Variants in PPP2R2D observed in about 807,000 individuals in gnomAD.
PPP2R2D encodes the protein protein phosphatase 2 regulatory subunit Bdelta, also known as serine/threonine-protein phosphatase 2A 55 kDa regulatory subunit B delta isoform.
A neutral mutation model predicts 31.1 loss-of-function variants in PPP2R2D; 9 were observed. That is an observed-to-expected ratio of 0.29 (90% CI 0.17 to 0.51). The LOEUF is 0.51. PPP2R2D is among the 20% of genes least tolerant of loss of function. The pLI is 0.98. For missense variants in PPP2R2D, 391 were observed against 465.6 expected (o/e 0.84, Z 1.48); for synonymous variants, 179 against 172.6 (o/e 1.04, Z -0.29).
intron 2 of PPP2R2D, among the ~76,000 whole-genome samples, chr10:131,906,758 CAAAA>C (rs879099384): frequency 3.9e-5 from 4 of 101,756 alleles, no homozygotes; most frequent in African/African-American, 7.2e-5. Context: ...TTGTCTCTAC[CAAAA>C]AAAAAAAAAA....
At chr10:131,928,227 A>G (rs1392980522) in intron 2 of PPP2R2D, among the ~76,000 whole-genome samples, 3 of 152,132 alleles carry the variant, frequency 2.0e-5, no homozygotes, top group African/African-American at 7.2e-5. Flanking sequence ...GTAGGGCGCT[A>G]GTTTTCCTTA....
chr10:131,953,752 C>T (rs1220722826), intron 8 of PPP2R2D, among the ~76,000 whole-genome samples: 7 of 96,384 alleles, frequency 7.3e-5, no homozygotes, highest in African/African-American at 1.7e-4. Flanking sequence ...CGGGGGTTCA[C>T]TGTCTTAGTG....
At chr10:131,953,420 C>T (rs2036727364) in intron 8 of PPP2R2D, among the ~76,000 whole-genome samples, 1 of 61,060 alleles carries the variant, frequency 1.6e-5, no homozygotes, top group Non-Finnish European at 3.0e-5. Flanking sequence ...CAGTGACTTG[C>T]GGGGGGTCCC....
In PPP2R2D at chr10:131,906,528, G is replaced by T. The variant is rs897825297; in HGVS notation, c.100+5198G>T. ...CTGGTAGGATAGCCTTTCCAAGGGA[G>T]TTTACATTGGTACTTTGAAAGAAAC... On this transcript the variant is annotated intron_variant, in intron 2 of 8. Transcript: ENST00000455566. 2.2e-3 allele frequency among the ~76,000 whole-genome samples: 334 copies of T among 152,284 alleles called. 2 individuals are homozygous for T. The highest frequency in any genetic ancestry group is 7.7e-3 in the African/African-American group (318 of 41,560).
At chr10:131,948,343 GT>G (rs35022851) in intron 8 of PPP2R2D, among the ~76,000 whole-genome samples, 105,131 of 152,002 alleles carry the variant, frequency 0.69, 37,031 homozygotes, top group African/African-American at 0.84. Flanking sequence ...TGAGAGTTAC[GT>G]TTTTTTTATT....
At chr10:131,917,976 A>G (rs1554893500) in intron 2 of PPP2R2D, among the ~76,000 whole-genome samples, 1 of 124,090 alleles carries the variant, frequency 8.1e-6, no homozygotes. Context: ...CACGGGTGGA[A>G]TGACACAGTG....
At chr10:131,960,812 G>T (rs10781571), downstream of PPP2R2D, among the ~76,000 whole-genome samples, 1 of 152,064 alleles carries the variant, frequency 6.6e-6, no homozygotes, top group African/African-American at 2.4e-5. Flanking sequence ...GCCAGGGAGT[G>T]GGGGAGTGAG....
In PPP2R2D at chr10:131,904,853, G is replaced by A. The variant is rs1034821926; in HGVS notation, c.100+3523G>A. ...TGACTTTGGAGGTCATGAAGTGAGT[G>A]ACATAGAAAAGCCTTTGGTTTTTGT... On this transcript the variant is annotated intron_variant, in intron 2 of 8. Transcript: ENST00000455566. 7.4e-3 allele frequency among the ~76,000 whole-genome samples: 1,129 copies of A among 152,286 alleles called. 8 individuals carry two copies. Among genetic ancestry groups the A allele is most frequent in the Middle Eastern group, 0.017 (5 of 294 alleles).
In PPP2R2D at chr10:131,901,112, T is replaced by G; in HGVS notation, c.-37T>G. ...AGCGGCGCGGAGGCCGTCTCCCTGG[T>G]CTGCCGCGGTCCCCGCCCGTCCCGC... On this transcript the variant is annotated 5_prime_UTR_variant, in exon 1 of 9. Transcript: ENST00000455566. 4.4e-6 allele frequency: 1 copy of G among 228,260 alleles called. No homozygotes were observed. The highest frequency in any genetic ancestry group is 8.3e-6 in the Non-Finnish European group (1 of 120,106). The allele number at this position is 228,260 out of a possible 1,614,324, so 14.1% of individuals were successfully genotyped here.
intron 8 of PPP2R2D, among the ~76,000 whole-genome samples, chr10:131,951,436 A>G (rs782513177): frequency 7.2e-5 from 11 of 152,264 alleles, no homozygotes; most frequent in Non-Finnish European, 1.2e-4. Flanking sequence ...TGGATCTCAC[A>G]AAGATAATCC....
chr10:131,957,394 GC>G lies in PPP2R2D; in HGVS notation c.*1435del, dbSNP rs2036820637. On this transcript the variant is annotated 3_prime_UTR_variant, in exon 9 of 9. Coordinates refer to ENST00000455566, the MANE Select transcript of PPP2R2D (RefSeq NM_018461.5). ...ATGGAGGTGTGTGCTGCTCCCTCGT[GC>G]CCCTGTGGAGATGGAGGTGTGTGCT... The G allele has an allele frequency of 1.1e-5, 2 of 189,128 alleles. No individual in the cohort carries two copies. Among genetic ancestry groups the G allele is most frequent in the Non-Finnish European group, 2.2e-5 (2 of 92,414 alleles). The allele number at this position is 189,128 out of a possible 1,614,324, so 11.7% of individuals were successfully genotyped here. A position where few individuals can be genotyped will look rare whatever the true frequency, so the allele number is the denominator to read the frequency against.
chr10:131,961,936 C>T (rs781820771), downstream of PPP2R2D, among the ~76,000 whole-genome samples: 1 of 152,156 alleles, frequency 6.6e-6, no homozygotes, highest in Non-Finnish European at 1.5e-5. Context: ...CACGCATTTC[C>T]TGAATAAACA....
chr10:131,926,085 G>A (rs778127979), intron 2 of PPP2R2D, among the ~76,000 whole-genome samples: 5 of 152,146 alleles, frequency 3.3e-5, no homozygotes, highest in Non-Finnish European at 7.4e-5. Context: ...GATTCCCTTG[G>A]GACCTTTCCC....
intron 2 of PPP2R2D, among the ~76,000 whole-genome samples, chr10:131,914,451 G>A (rs1390820471): frequency 6.6e-6 from 1 of 152,024 alleles, no homozygotes; most frequent in East Asian, 1.9e-4. Flanking sequence ...TTTTTTGGAG[G>A]GTAATTTGAC....
chr10:131,939,885 C>A, intron 3 of PPP2R2D, 146 bp from the exon 4 acceptor site: 16 of 356,978 alleles, frequency 4.5e-5, no homozygotes, highest in Middle Eastern at 7.5e-4. Context: ...TTTTTTTTTT[C>A]CCTGAGTTTC....
At position 131,956,297 on chromosome 10, in the gene PPP2R2D, G is replaced by C; in HGVS notation, c.*334G>C. ...CAAAAAATTAACATCCAAGAGAAAAGTTATTGTCAGATACCGCTCTTTCTC... is the reference window on the plus strand; with the variant it reads ...CAAAAAATTAACATCCAAGAGAAAACTTATTGTCAGATACCGCTCTTTCTC... On this transcript the variant is annotated 3_prime_UTR_variant, in exon 9 of 9. Transcript: ENST00000455566. The C allele has an allele frequency of 9.8e-7, 1 of 1,021,420 alleles. No individual in the cohort carries two copies. Among genetic ancestry groups the C allele is most frequent in the Non-Finnish European group, 1.2e-6 (1 of 854,042 alleles). The allele number at this position is 1,021,420 out of a possible 1,614,324, so 63.3% of individuals were successfully genotyped here. A position where few individuals can be genotyped will look rare whatever the true frequency, so the allele number is the denominator to read the frequency against.
the PPP2R2D span, among the ~76,000 whole-genome samples, chr10:131,965,758 CA>C: frequency 6.6e-6 from 1 of 152,198 alleles, no homozygotes; most frequent in Non-Finnish European, 1.5e-5. Flanking sequence ...GGGCTGTCTT[CA>C]AACTGCTACA....
At chr10:131,950,278 CAG>C (rs782078915) in intron 8 of PPP2R2D, among the ~76,000 whole-genome samples, 3 of 152,154 alleles carry the variant, frequency 2.0e-5, no homozygotes, top group Non-Finnish European at 4.4e-5. Context: ...CTTAAAGTGA[CAG>C]TGGCCAGCAA....
chr10:131,915,048 GT>G (rs1256000324), intron 2 of PPP2R2D, among the ~76,000 whole-genome samples: 1 of 151,260 alleles, frequency 6.6e-6, no homozygotes, highest in Middle Eastern at 3.2e-3. Context: ...AATTTTAATG[GT>G]TTTAGGCTGC....
Sources: gnomAD v4.1 joint callset for allele counts (sites outside exome capture counted in the v4.1 genomes callset) on GRCh38, gnomAD v4.1.1 for gene constraint, MANE v1.5 for transcripts, NCBI Gene and HGNC (gene_info 2026-07-23, HGNC 2026-07-21) for gene names.